Variants in PTBP2 observed in about 807,000 individuals in gnomAD.
PTBP2 encodes the protein polypyrimidine tract-binding protein 2.
PTBP2 carries 13 observed loss-of-function variants against 61.4 expected under a neutral mutation model. The ratio of observed to expected loss-of-function variants is 0.21; its 90% confidence interval spans 0.14 to 0.34. PTBP2 has a LOEUF of 0.34. Among genes scored for constraint, PTBP2 ranks in the 10% least tolerant of loss-of-function variants. PTBP2 has a pLI of 1.00. For missense variants in PTBP2, 405 were observed against 642.6 expected, an observed-to-expected ratio of 0.63 and a Z score of 4.00; for synonymous variants, 215 against 218.5, an observed-to-expected ratio of 0.98 and a Z score of 0.14.
intron 2 of PTBP2, among the ~76,000 whole-genome samples, chr1:96,741,080 C>G (rs893483507): frequency 6.6e-6 from 1 of 150,874 alleles, no homozygotes; most frequent in Non-Finnish European, 1.5e-5. Context: ...CTTTGAAAAT[C>G]GGCATTGTTG....
chr1:96,762,828 G>A (rs1317202233), intron 3 of PTBP2, among the ~76,000 whole-genome samples: 9 of 151,802 alleles, frequency 5.9e-5, no homozygotes, highest in East Asian at 2.0e-4. Flanking sequence ...CAGATGGGGC[G>A]GCTGCTGGGC....
At chr1:96,791,849 T>TTTTTTTTTTTG (rs1659870088) in intron 8 of PTBP2, among the ~76,000 whole-genome samples, 1 of 145,648 alleles carries the variant, frequency 6.9e-6, no homozygotes, top group Non-Finnish European at 1.5e-5. Context: ...TTTTTTTTTT[T>TTTTTTTTTTTG]GAGATAGAGT....
intron 3 of PTBP2, among the ~76,000 whole-genome samples, chr1:96,768,075 G>C (rs966388404): frequency 1.3e-5 from 2 of 152,012 alleles, no homozygotes; most frequent in African/African-American, 4.8e-5. Flanking sequence ...TACCTTCTCT[G>C]ATCATCCAAT....
At chr1:96,751,966 A>G (rs1050579758) in intron 3 of PTBP2, among the ~76,000 whole-genome samples, 1 of 152,094 alleles carries the variant, frequency 6.6e-6, no homozygotes, top group African/African-American at 2.4e-5. Flanking sequence ...TTGCTGAAAC[A>G]GTATTTTAAT....
At chr1:96,768,839 G>A (rs1008168076) in intron 3 of PTBP2, among the ~76,000 whole-genome samples, 3 of 151,832 alleles carry the variant, frequency 2.0e-5, no homozygotes, top group Admixed American at 2.0e-4. Context: ...ATCAGGAGAG[G>A]CTCATTGTAG....
chr1:96,738,718 C>G (rs908112878), intron 2 of PTBP2, among the ~76,000 whole-genome samples: 27 of 152,262 alleles, frequency 1.8e-4, no homozygotes, highest in African/African-American at 6.5e-4. Flanking sequence ...TAATCTTTCT[C>G]TCTTATGTAC....
At chr1:96,753,036 T>A (rs1214273904) in intron 3 of PTBP2, among the ~76,000 whole-genome samples, 1 of 152,066 alleles carries the variant, frequency 6.6e-6, no homozygotes, top group Non-Finnish European at 1.5e-5. Context: ...TCATTTGGAA[T>A]TTATGGAGAA....
intron 7 of PTBP2, among the ~76,000 whole-genome samples, chr1:96,782,904 A>G (rs1658848881): frequency 6.6e-6 from 1 of 151,940 alleles, no homozygotes; most frequent in Non-Finnish European, 1.5e-5. Flanking sequence ...TTTGATTTCC[A>G]TGTTTTAGCC....
At chr1:96,774,720 A>G (rs1414488359) in intron 5 of PTBP2, among the ~76,000 whole-genome samples, 2 of 152,156 alleles carry the variant, frequency 1.3e-5, no homozygotes, top group East Asian at 3.9e-4. Flanking sequence ...TCCCTTCTGG[A>G]ATTTTTTTCT....
intron 5 of PTBP2, among the ~76,000 whole-genome samples, chr1:96,772,840 T>G (rs1657535865): frequency 6.6e-6 from 1 of 151,808 alleles, no homozygotes; most frequent in South Asian, 2.1e-4. Flanking sequence ...GGGCTGGGCT[T>G]GGTGGCTTAT....
intron 5 of PTBP2, among the ~76,000 whole-genome samples, chr1:96,773,219 G>T (rs1236424421): frequency 6.6e-6 from 1 of 151,372 alleles, no homozygotes; most frequent in Non-Finnish European, 1.5e-5. Context: ...AAGCCCCATT[G>T]AGAGGGGATA....
intron 8 of PTBP2, among the ~76,000 whole-genome samples, chr1:96,786,389 CTG>C (rs1319936665): frequency 1.3e-5 from 2 of 151,982 alleles, no homozygotes; most frequent in Non-Finnish European, 1.5e-5. Context: ...TTTATTATGA[CTG>C]TAGTAGATGC....
At chr1:96,729,853 C>G (rs888301172) in intron 2 of PTBP2, among the ~76,000 whole-genome samples, 2 of 151,756 alleles carry the variant, frequency 1.3e-5, no homozygotes, top group South Asian at 2.1e-4. Context: ...TCTCCTGCCT[C>G]AGCATCCCAA....
chr1:96,763,543 G>A (rs1357958564), intron 3 of PTBP2, among the ~76,000 whole-genome samples: 1 of 145,800 alleles, frequency 6.9e-6, no homozygotes, highest in Non-Finnish European at 1.5e-5. Flanking sequence ...GTCCAGCTTC[G>A]GCTCGTCATC....
chr1:96,804,178 G>A (rs1661289553), intron 8 of PTBP2, among the ~76,000 whole-genome samples: 1 of 152,146 alleles, frequency 6.6e-6, no homozygotes, highest in Admixed American at 6.5e-5. Context: ...CTTTCAACCG[G>A]GAGAGTGTTG....
At chr1:96,730,045 A>C (rs1338240885) in intron 2 of PTBP2, among the ~76,000 whole-genome samples, 1 of 151,974 alleles carries the variant, frequency 6.6e-6, no homozygotes, top group Admixed American at 6.6e-5. Flanking sequence ...ACATTTTTAC[A>C]CTTTTGGTAT....
exon 14 of PTBP2, chr1:96,822,526 C>T (rs1341191929): frequency 6.6e-6 from 1 of 152,158 alleles, no homozygotes; most frequent in Non-Finnish European, 1.5e-5. Flanking sequence ...GGAGAAGGGA[C>T]AGGGTTGACA....
intron 2 of PTBP2, among the ~76,000 whole-genome samples, chr1:96,727,509 A>T (rs1353297380): frequency 6.6e-6 from 1 of 152,198 alleles, no homozygotes; most frequent in African/African-American, 2.4e-5. Flanking sequence ...TTACATTGCC[A>T]TCAGCATGGT....
chr1:96,741,697 C>T (rs561454872), intron 2 of PTBP2, among the ~76,000 whole-genome samples: 192 of 152,102 alleles, frequency 1.3e-3, no homozygotes, highest in Non-Finnish European at 2.3e-3. Context: ...TAAGGCCTTA[C>T]GTATAGGCTT....
Sources: gnomAD v4.1 joint callset for allele counts (sites outside exome capture counted in the v4.1 genomes callset) on GRCh38, gnomAD v4.1.1 for gene constraint, MANE v1.5 for transcripts, NCBI Gene and HGNC (gene_info 2026-07-23, HGNC 2026-07-21) for gene names.